Variants in ANO4 observed in about 807,000 individuals in gnomAD.
ANO4 encodes the protein anoctamin-4.
A neutral mutation model predicts 141.9 loss-of-function variants in ANO4; 69 were observed. That is an observed-to-expected ratio of 0.49 (90% CI 0.40 to 0.59). The LOEUF is 0.59. Ranked by LOEUF, ANO4 falls within the 20% of genes least tolerant of loss-of-function variation. The pLI is 0.00. For missense variants in ANO4, 894 were observed against 1,162.2 expected (o/e 0.77, Z 3.36); for synonymous variants, 350 against 394.3 (o/e 0.89, Z 1.33).
chr12:100,881,365 C>T (rs1371635001), intron 1 of ANO4, among the ~76,000 whole-genome samples: 1 of 147,680 alleles, frequency 6.8e-6, no homozygotes, highest in African/African-American at 2.5e-5. Flanking sequence ...TATTATAATA[C>T]AAATGCATAT....
intron 2 of ANO4, 89 bp downstream of exon 2, chr12:100,901,929 A>G (rs757180566): frequency 1.9e-5 from 24 of 1,265,430 alleles, no homozygotes; most frequent in Non-Finnish European, 2.6e-5. Flanking sequence ...AATATGCCAT[A>G]CTTTCAGCTA....
At chr12:100,996,742 G>T (rs2045392269) in intron 8 of ANO4, among the ~76,000 whole-genome samples, 1 of 152,146 alleles carries the variant, frequency 6.6e-6, no homozygotes. Flanking sequence ...GACAGTGAGT[G>T]GGAGATTCTC....
At chr12:100,823,802 C>T (rs1042285537) in intron 1 of ANO4, among the ~76,000 whole-genome samples, 1 of 151,948 alleles carries the variant, frequency 6.6e-6, no homozygotes, top group Non-Finnish European at 1.5e-5. Context: ...TAGGTAGCCA[C>T]TGCAATAAAA....
Position 101,037,063 on chromosome 12 carries a change from A to G in ANO4, c.842-32A>G, listed in dbSNP as rs765643570. 67 of 1,605,294 alleles carry G rather than the reference A, an allele frequency of 4.2e-5. 1 individual carries two copies. On this transcript the variant is annotated intron_variant, in intron 9 of 27. Transcript: ENST00000392977. ...AACATTGTGAGTATTCAAACTCTGT[A>G]TTAATTCAAATGGACTTATTTGCTG...
At chr12:100,995,162 G>T (rs557343483) in intron 8 of ANO4, among the ~76,000 whole-genome samples, 2 of 152,168 alleles carry the variant, frequency 1.3e-5, no homozygotes, top group South Asian at 4.2e-4. Flanking sequence ...GGGGGTGGGG[G>T]TGCAGGTTGT....
chr12:100,942,992 A>G (rs923022196), intron 5 of ANO4, among the ~76,000 whole-genome samples: 69 of 152,312 alleles, frequency 4.5e-4, no homozygotes, highest in African/African-American at 1.6e-3. Context: ...AAGCAGCTGG[A>G]ACTTACAAAA....
chr12:100,821,346 T>C (rs2036041184), intron 1 of ANO4, among the ~76,000 whole-genome samples: 1 of 152,096 alleles, frequency 6.6e-6, no homozygotes, highest in South Asian at 2.1e-4. Flanking sequence ...GTGCTATTTG[T>C]TAGACAGAAG....
At chr12:100,858,414 A>G (rs2038296587) in intron 1 of ANO4, among the ~76,000 whole-genome samples, 1 of 152,166 alleles carries the variant, frequency 6.6e-6, no homozygotes, top group African/African-American at 2.4e-5. Flanking sequence ...TATGAGGCTC[A>G]TGACTGTCTA....
chr12:100,876,412 A>G (rs2039312323), intron 1 of ANO4, among the ~76,000 whole-genome samples: 1 of 152,150 alleles, frequency 6.6e-6, no homozygotes. Flanking sequence ...AGAGCTGCCT[A>G]TGGCCACAGT....
intron 1 of ANO4, among the ~76,000 whole-genome samples, chr12:100,797,197 A>G (rs940897011): frequency 6.6e-6 from 1 of 151,704 alleles, no homozygotes; most frequent in Non-Finnish European, 1.5e-5. Context: ...TACTGTGTCA[A>G]TTGTATATAC....
intron 1 of ANO4, among the ~76,000 whole-genome samples, chr12:100,811,692 T>G (rs780905567): frequency 2.0e-5 from 3 of 152,208 alleles, no homozygotes; most frequent in Non-Finnish European, 4.4e-5. Flanking sequence ...TCTAGTTTGA[T>G]GCAGATTATT....
chr12:100,942,564 AT>A, intron 5 of ANO4, 29 bp downstream of exon 5: 2 of 1,602,334 alleles, frequency 1.2e-6, no homozygotes, highest in Non-Finnish European at 1.7e-6. Context: ...TGAGAAAAAA[AT>A]ATATACATAT....
intron 1 of ANO4, among the ~76,000 whole-genome samples, chr12:100,866,640 T>C (rs1209141380): frequency 6.6e-6 from 1 of 152,172 alleles, no homozygotes; most frequent in Non-Finnish European, 1.5e-5. Flanking sequence ...GCTTCCAACT[T>C]AATGGAATTG....
chr12:100,763,901 G>A (rs1228587862), intron 3 of ANO4, among the ~76,000 whole-genome samples: 1 of 151,158 alleles, frequency 6.6e-6, no homozygotes, highest in African/African-American at 2.5e-5. Context: ...AAAAGGCCTA[G>A]GAACCACTTT....
intron 8 of ANO4, among the ~76,000 whole-genome samples, chr12:101,006,921 G>T (rs17485225): frequency 1.3e-5 from 2 of 151,980 alleles, no homozygotes; most frequent in Non-Finnish European, 2.9e-5. Flanking sequence ...GTTTGATGTC[G>T]TTCACCAGTG....
chr12:100,832,138 C>T lies in ANO4; in HGVS notation c.-141+37111C>T, dbSNP rs145720063. ...GAATGAAGGCTGATGAAGACAGGGA[C>T]GCTCATTCCCCACCCCCCAATCCTC... On this transcript the variant is annotated intron_variant, in intron 1 of 27. Transcript: ENST00000392977. Among the ~76,000 whole-genome samples, 13 of 152,130 alleles carry T rather than the reference C, an allele frequency of 8.5e-5. No individual in the cohort carries two copies. The East Asian group carries it at 9.7e-4, about 11-fold the overall frequency.
At chr12:100,961,115 A>G (rs1240360210) in intron 5 of ANO4, among the ~76,000 whole-genome samples, 1 of 152,170 alleles carries the variant, frequency 6.6e-6, no homozygotes, top group Non-Finnish European at 1.5e-5. Flanking sequence ...ATCTTGAACT[A>G]TGTCTTAACC....
chr12:100,893,604 C>T (rs535323317), intron 1 of ANO4, among the ~76,000 whole-genome samples: 41 of 152,240 alleles, frequency 2.7e-4, no homozygotes, highest in African/African-American at 8.9e-4. Context: ...CACATTTCTG[C>T]TTTCATCTGT....
In ANO4 at chr12:101,082,228, G is replaced by T. The variant is rs144204689; in HGVS notation, c.1396-1450G>T. ...TGAGATCTGATGGTTTTATAAAGGG[G>T]ACATCCCCTGCACATGGTCTCTCTT... On this transcript the variant is annotated intron_variant, in intron 15 of 27. Coordinates refer to ENST00000392977, the MANE Select transcript of ANO4 (RefSeq NM_001286615.2). 4.1e-3 allele frequency among the ~76,000 whole-genome samples: 625 copies of T among 152,200 alleles called. 6 individuals are homozygous for T. Among genetic ancestry groups the T allele is most frequent in the African/African-American group, 0.014 (598 of 41,520 alleles).
Sources: gnomAD v4.1 joint callset for allele counts (sites outside exome capture counted in the v4.1 genomes callset) on GRCh38, gnomAD v4.1.1 for gene constraint, MANE v1.5 for transcripts, NCBI Gene and HGNC (gene_info 2026-07-23, HGNC 2026-07-21) for gene names.